SYNPR: variants seen among roughly 807,000 people sequenced by gnomAD.
The protein encoded by SYNPR is synaptoporin.
A neutral mutation model predicts 32.9 loss-of-function variants in SYNPR; 23 were observed. The ratio of observed to expected loss-of-function variants is 0.70; its 90% CI spans 0.50 to 0.99. The LOEUF (loss-of-function observed/expected upper bound fraction) is 0.99, where lower values mean the gene tolerates loss of function less well. Among genes scored for constraint, SYNPR ranks in the 50% least tolerant of loss-of-function variants. SYNPR has a pLI of 0.00. For synonymous variants in SYNPR, 146 were observed against 135.9 expected (o/e 1.07, Z -0.52); for missense variants, 318 against 349.3 (o/e 0.91, Z 0.71).
chr3:63,583,376 C>A (rs1367784252), intron 4 of SYNPR, among the ~76,000 whole-genome samples: 1 of 152,072 alleles, frequency 6.6e-6, no homozygotes, highest in East Asian at 1.9e-4. Flanking sequence ...AGAGGCCTGA[C>A]ATTCCTGTCT....
At chr3:63,586,000 T>C (rs543951875) in intron 4 of SYNPR, among the ~76,000 whole-genome samples, 3 of 152,100 alleles carry the variant, frequency 2.0e-5, no homozygotes, top group Non-Finnish European at 4.4e-5. Flanking sequence ...TCAAATGCAA[T>C]ATTTTTTTCT....
chr3:63,394,674 C>G (rs548211780), intron 2 of SYNPR, among the ~76,000 whole-genome samples: 6 of 152,286 alleles, frequency 3.9e-5, no homozygotes, highest in Non-Finnish European at 7.3e-5. Flanking sequence ...AGTATGCTAA[C>G]TTGCTGTAGG....
At chr3:63,301,049 G>A (rs1250088061) in intron 2 of SYNPR, among the ~76,000 whole-genome samples, 1 of 152,100 alleles carries the variant, frequency 6.6e-6, no homozygotes, top group Admixed American at 6.6e-5. Flanking sequence ...AAGAGAACTG[G>A]ATTTGAAAAT....
chr3:63,367,662 G>T (rs1354537213), intron 2 of SYNPR, among the ~76,000 whole-genome samples: 2 of 152,008 alleles, frequency 1.3e-5, no homozygotes, highest in African/African-American at 4.8e-5. Context: ...ATCTGGCCTT[G>T]AATTATAATT....
intron 2 of SYNPR, among the ~76,000 whole-genome samples, chr3:63,416,376 A>G (rs755895162): frequency 8.5e-5 from 13 of 152,088 alleles, no homozygotes; most frequent in Admixed American, 2.6e-4. Context: ...ACCAAGAAAT[A>G]GAAAAATTAG....
At chr3:63,332,820 A>G (rs2087244178) in intron 2 of SYNPR, among the ~76,000 whole-genome samples, 1 of 152,134 alleles carries the variant, frequency 6.6e-6, no homozygotes, top group African/African-American at 2.4e-5. Flanking sequence ...TTTAGTCTAT[A>G]TTATCCAAGA....
the SYNPR span, among the ~76,000 whole-genome samples, chr3:63,210,293 A>T: frequency 6.6e-6 from 1 of 152,222 alleles, no homozygotes; most frequent in South Asian, 2.1e-4. Context: ...AGCTAATTTT[A>T]GTGGTTTCTT....
intron 1 of SYNPR, among the ~76,000 whole-genome samples, chr3:63,231,029 TA>T (rs2086163163): frequency 1.3e-5 from 2 of 151,936 alleles, no homozygotes; most frequent in African/African-American, 4.8e-5. Context: ...AGTCATCATA[TA>T]AAAAAGACAC....
intron 4 of SYNPR, among the ~76,000 whole-genome samples, chr3:63,602,757 T>C (rs1016722841): frequency 6.6e-6 from 1 of 152,252 alleles, no homozygotes; most frequent in Non-Finnish European, 1.5e-5. Flanking sequence ...AGCCTTATAG[T>C]ATAGCTTGAA....
chr3:63,521,721 C>T (rs1448656206), intron 3 of SYNPR, among the ~76,000 whole-genome samples: 1 of 152,180 alleles, frequency 6.6e-6, no homozygotes, highest in Non-Finnish European at 1.5e-5. Context: ...ATCTAAGTTC[C>T]TAACTCATAA....
At chr3:63,518,978 T>C (rs945965483) in intron 3 of SYNPR, among the ~76,000 whole-genome samples, 1 of 152,332 alleles carries the variant, frequency 6.6e-6, no homozygotes, top group Admixed American at 6.5e-5. Context: ...CAAGGGATGA[T>C]GAATTTTATC....
rs62250818 is a variant in SYNPR at position 63,576,213 on chromosome 3, T to G, written c.408+19472T>G. Among the ~76,000 whole-genome samples, 654 of 152,294 alleles carry G rather than the reference T, an allele frequency of 4.3e-3. 2 individuals carry two copies. The highest frequency in any genetic ancestry group is 7.3e-3 in the Non-Finnish European group (494 of 68,024). On this transcript the variant is annotated intron_variant, in intron 4 of 5. Transcript: ENST00000478300. Reference sequence around the variant, plus strand: ...CTTTGAGATTTCACAACTTTGTATGTGAGGTTGATATCAAGTTAACCTGTC... The same window carrying G: ...CTTTGAGATTTCACAACTTTGTATGGGAGGTTGATATCAAGTTAACCTGTC...
chr3:63,417,101 T>C (rs1450172557), intron 2 of SYNPR, among the ~76,000 whole-genome samples: 2 of 152,326 alleles, frequency 1.3e-5, no homozygotes, highest in South Asian at 4.1e-4. Context: ...CTTATGAGCT[T>C]GTAAAATCAA....
At chr3:63,452,072 G>C in intron 2 of SYNPR, 1 of 702,134 alleles carries the variant, frequency 1.4e-6, no homozygotes, top group Non-Finnish European at 2.6e-6. Flanking sequence ...CACACTCAAA[G>C]AAAGGGTTTC....
chr3:63,370,737 C>T (rs1344863785), intron 2 of SYNPR, among the ~76,000 whole-genome samples: 5 of 152,096 alleles, frequency 3.3e-5, no homozygotes, highest in African/African-American at 1.2e-4. Context: ...GTTTAGATAT[C>T]CAGACCCGCT....
At chr3:63,586,653 A>AGTGTGTGTGTGT (rs1249696080) in intron 4 of SYNPR, among the ~76,000 whole-genome samples, 4 of 95,928 alleles carry the variant, frequency 4.2e-5, no homozygotes, top group African/African-American at 2.3e-4. Context: ...TTGCAGATTC[A>AGTGTGTGTGTGT]ATGTGTGTGT....
intron 2 of SYNPR, among the ~76,000 whole-genome samples, chr3:63,411,171 C>A (rs2088460144): frequency 6.6e-6 from 1 of 151,960 alleles, no homozygotes; most frequent in African/African-American, 2.4e-5. Context: ...AAGAGAACAA[C>A]AAATGACTAA....
chr3:63,552,187 C>T (rs9815765), intron 3 of SYNPR, among the ~76,000 whole-genome samples: 2,325 of 152,144 alleles, frequency 0.015, 53 homozygotes, highest in African/African-American at 0.052. Flanking sequence ...CATGAGCCAC[C>T]GCACCCGGCC....
intron 2 of SYNPR, among the ~76,000 whole-genome samples, chr3:63,342,736 C>A (rs2087385879): frequency 6.6e-6 from 1 of 152,210 alleles, no homozygotes; most frequent in African/African-American, 2.4e-5. Flanking sequence ...ATGAAACCAT[C>A]TGGGATTGGA....
Sources: allele counts gnomAD v4.1 joint callset (sites outside exome capture counted in the v4.1 genomes callset), GRCh38; gene constraint gnomAD v4.1.1; transcripts MANE v1.5; gene names NCBI Gene and HGNC (gene_info 2026-07-23, HGNC 2026-07-21).